Variants in ZNF385D observed in about 807,000 individuals in gnomAD.
ZNF385D encodes zinc finger protein 385D.
Under a neutral mutation model 35.8 loss-of-function variants are expected in ZNF385D, and 15 were observed. That is an observed-to-expected ratio of 0.42 (90% CI 0.28 to 0.64). The LOEUF is 0.64. ZNF385D is among the 30% of genes least tolerant of loss of function. The pLI is 0.23. For missense variants in ZNF385D, 474 were observed against 494.6 expected, an observed-to-expected ratio of 0.96 and a Z score of 0.39; for synonymous variants, 212 against 186.8, an observed-to-expected ratio of 1.13 and a Z score of -1.10.
At chr3:21,730,129 A>T (rs1273072686) in intron 1 of ZNF385D, among the ~76,000 whole-genome samples, 2 of 152,232 alleles carry the variant, frequency 1.3e-5, no homozygotes, top group Admixed American at 6.5e-5. Context: ...CAGGGATTTG[A>T]CCATGGTCTT....
chr3:22,233,704 G>A (rs1233393152), intron 2 of ZNF385D, among the ~76,000 whole-genome samples: 1 of 151,944 alleles, frequency 6.6e-6, no homozygotes, highest in Non-Finnish European at 1.5e-5. Context: ...CACAAATATA[G>A]TCCTGGTAGG....
At chr3:21,910,686 C>T (rs771128782) in intron 3 of ZNF385D, among the ~76,000 whole-genome samples, 3 of 150,952 alleles carry the variant, frequency 2.0e-5, no homozygotes, top group South Asian at 2.1e-4. Flanking sequence ...AAAATATGAA[C>T]GTAGAAAAGT....
In ZNF385D at chr3:21,545,355, C is replaced by T. The variant is rs569212992; in HGVS notation, c.276+19219G>A. Among the ~76,000 whole-genome samples, 20 of 152,284 alleles carry T rather than the reference C, an allele frequency of 1.3e-4. No homozygotes were observed. The South Asian group carries it at 3.7e-3, about 28-fold the overall frequency. On this transcript the variant is annotated intron_variant, in intron 3 of 7. Transcript: ENST00000281523. ...AAATGCTCGTGAATATCAAGCAAAG[C>T]AAGAGTTTACTAAATGGACTGAACT...
chr3:22,226,484 T>C (rs894272756), intron 2 of ZNF385D, among the ~76,000 whole-genome samples: 8 of 152,208 alleles, frequency 5.3e-5, no homozygotes, highest in African/African-American at 1.9e-4. Context: ...AGTTCAGCTG[T>C]TTTGTTCTCC....
At chr3:21,543,659 T>A (rs1264150456) in intron 3 of ZNF385D, among the ~76,000 whole-genome samples, 1 of 152,252 alleles carries the variant, frequency 6.6e-6, no homozygotes, top group African/African-American at 2.4e-5. Context: ...GAATAAGAGG[T>A]TCTTCCCCAG....
chr3:22,353,745 C>A (rs1461192571), intron 2 of ZNF385D, among the ~76,000 whole-genome samples: 2 of 152,098 alleles, frequency 1.3e-5, no homozygotes, highest in African/African-American at 4.8e-5. Context: ...TTAACTAGAG[C>A]AATCTTACTC....
chr3:21,542,598 T>C (rs958768282), intron 3 of ZNF385D, among the ~76,000 whole-genome samples: 10 of 152,132 alleles, frequency 6.6e-5, no homozygotes, highest in African/African-American at 2.4e-4. Context: ...TCCTCTTACT[T>C]CCACCTCCTC....
chr3:22,142,047 TGTGA>T (rs1465514791), intron 3 of ZNF385D, among the ~76,000 whole-genome samples: 4 of 152,206 alleles, frequency 2.6e-5, no homozygotes, highest in African/African-American at 9.6e-5. Flanking sequence ...GACAGTTTAT[TGTGA>T]GTAACTGAAA....
At chr3:22,192,092 T>C (rs1451796932) in intron 2 of ZNF385D, among the ~76,000 whole-genome samples, 2 of 152,162 alleles carry the variant, frequency 1.3e-5, no homozygotes, top group African/African-American at 4.8e-5. Context: ...CTTTCAACGA[T>C]AGTGCCCTGT....
chr3:22,253,084 G>T (rs1700143298), intron 2 of ZNF385D, among the ~76,000 whole-genome samples: 1 of 152,040 alleles, frequency 6.6e-6, no homozygotes, highest in African/African-American at 2.4e-5. Flanking sequence ...AAAGGAGAAG[G>T]TGTTTTGGAC....
intron 3 of ZNF385D, among the ~76,000 whole-genome samples, chr3:21,949,595 T>C (rs530655447): frequency 3.1e-4 from 46 of 148,518 alleles, no homozygotes; most frequent in Admixed American, 4.2e-4. Flanking sequence ...CTGGGATACA[T>C]GCACAGAACG....
chr3:21,710,860 T>A (rs2068073695), intron 1 of ZNF385D, among the ~76,000 whole-genome samples: 1 of 152,124 alleles, frequency 6.6e-6, no homozygotes, highest in Non-Finnish European at 1.5e-5. Flanking sequence ...ACAGCCTTGA[T>A]GTTAAGAAGT....
intron 3 of ZNF385D, among the ~76,000 whole-genome samples, chr3:21,535,145 T>C (rs2062007444): frequency 6.6e-6 from 1 of 152,132 alleles, no homozygotes; most frequent in Non-Finnish European, 1.5e-5. Flanking sequence ...TAGAATTCTT[T>C]GTGATGCCAA....
chr3:21,694,972 C>T (rs546947291), intron 1 of ZNF385D, among the ~76,000 whole-genome samples: 1 of 152,068 alleles, frequency 6.6e-6, no homozygotes, highest in African/African-American at 2.4e-5. Flanking sequence ...TGAGTCAGTC[C>T]CGGAGTTGAA....
chr3:22,241,319 C>A (rs1445743194), intron 2 of ZNF385D, among the ~76,000 whole-genome samples: 8 of 151,042 alleles, frequency 5.3e-5, no homozygotes, highest in African/African-American at 2.0e-4. Context: ...GACAGTGTTC[C>A]CTTGCACTCA....
At chr3:21,472,093 C>T (rs1703932582) in intron 4 of ZNF385D, among the ~76,000 whole-genome samples, 1 of 152,106 alleles carries the variant, frequency 6.6e-6, no homozygotes, top group Non-Finnish European at 1.5e-5. Context: ...AATTCTCAAA[C>T]TCAACTTTTT....
At position 21,727,242 on chromosome 3, in the gene ZNF385D, C is replaced by A. The variant is rs2068804186; in HGVS notation, c.22+23653G>T. 2.0e-5 allele frequency among the ~76,000 whole-genome samples: 3 copies of A among 152,108 alleles called. No individual in the cohort carries two copies. In the South Asian group the frequency reaches 6.2e-4, roughly 32 times the overall value. ...ATTCTAGAAGAAAAGCTAGGCAATA[C>A]CATTCAGGACATAGGCATGGGCAAA... On this transcript the variant is annotated intron_variant, in intron 1 of 7. Coordinates refer to ENST00000281523, the MANE Select transcript of ZNF385D (RefSeq NM_024697.3).
chr3:21,813,940 G>C (rs1282142169), intron 3 of ZNF385D, among the ~76,000 whole-genome samples: 1 of 152,068 alleles, frequency 6.6e-6, no homozygotes, highest in East Asian at 1.9e-4. Flanking sequence ...AAATGTTAAG[G>C]GCAGCCAGAG....
At chr3:22,184,267 AT>A (rs1695478828) in intron 2 of ZNF385D, among the ~76,000 whole-genome samples, 1 of 151,714 alleles carries the variant, frequency 6.6e-6, no homozygotes, top group Non-Finnish European at 1.5e-5. Context: ...GAAAAGTGAT[AT>A]TTCACACTCA....
Sources: allele counts gnomAD v4.1 joint callset (sites outside exome capture counted in the v4.1 genomes callset), GRCh38; gene constraint gnomAD v4.1.1; transcripts MANE v1.5; gene names NCBI Gene and HGNC (gene_info 2026-07-23, HGNC 2026-07-21).